SIPA1L1: variants seen among roughly 807,000 people sequenced by gnomAD.
SIPA1L1 encodes signal induced proliferation associated 1 like 1, also known as signal-induced proliferation-associated 1-like protein 1.
A neutral mutation model predicts 162.7 loss-of-function variants in SIPA1L1; 26 were observed. That is an observed-to-expected ratio of 0.16 (90% CI 0.12 to 0.22). SIPA1L1 has a LOEUF of 0.22. Ranked by LOEUF, SIPA1L1 falls within the 10% of genes least tolerant of loss-of-function variation. SIPA1L1 has a pLI of 1.00. For missense variants in SIPA1L1, 1,874 were observed against 2,241.0 expected (o/e 0.84, Z 3.31); for synonymous variants, 829 against 837.4 (o/e 0.99, Z 0.17).
intron 17 of SIPA1L1, among the ~76,000 whole-genome samples, chr14:71,713,160 A>G (rs865975384): frequency 6.6e-6 from 1 of 152,212 alleles, no homozygotes; most frequent in African/African-American, 2.4e-5. Flanking sequence ...TTAGAGGTCA[A>G]TCTGGGCAAC....
intron 2 of SIPA1L1, among the ~76,000 whole-genome samples, chr14:71,368,142 C>CTTTTTTTTTTTTTTTTTTTTTTTTTT (rs755238643): frequency 8.7e-6 from 1 of 115,182 alleles, no homozygotes; most frequent in Non-Finnish European, 1.8e-5. Context: ...TTGTGGTATT[C>CTTTTTTTTTTTTTTTTTTTTTTTTTT]TTTTTTTTTT....
At chr14:71,524,624 T>A (rs568045899) in intron 3 of SIPA1L1, among the ~76,000 whole-genome samples, 1 of 152,196 alleles carries the variant, frequency 6.6e-6, no homozygotes, top group Non-Finnish European at 1.5e-5. Flanking sequence ...ATTTGTTTAT[T>A]TTTAAATAGA....
chr14:71,398,493 A>G (rs1419673719), intron 2 of SIPA1L1: 2 of 152,316 alleles, frequency 1.3e-5, no homozygotes, highest in East Asian at 3.9e-4. Context: ...TCCAAGTTTC[A>G]TTCAGATTAA....
chr14:71,616,014 A>G (rs981632417), intron 5 of SIPA1L1, among the ~76,000 whole-genome samples: 2 of 152,104 alleles, frequency 1.3e-5, no homozygotes, highest in Non-Finnish European at 2.9e-5. Flanking sequence ...CACATAAACA[A>G]CAACAAAACC....
In SIPA1L1 at chr14:71,465,597, G is replaced by A. The variant is rs555374902; in HGVS notation, c.-464-47146G>A. Among the ~76,000 whole-genome samples the A allele has an allele frequency of 9.9e-5, 15 of 152,262 alleles. No individual in the cohort carries two copies. The South Asian group carries it at 2.9e-3, about 29-fold the overall frequency. On this transcript the variant is annotated intron_variant, in intron 2 of 23. Coordinates refer to ENST00000381232, the MANE Select transcript of SIPA1L1 (RefSeq NM_001386936.1). ...AGTGTTATCTGTACTATTAGAAGTA[G>A]AGTCCTTAGCATTTTCTTATTAAGC...
chr14:71,566,299 T>C (rs1596160766), intron 4 of SIPA1L1, among the ~76,000 whole-genome samples: 1 of 152,232 alleles, frequency 6.6e-6, no homozygotes, highest in African/African-American at 2.4e-5. Flanking sequence ...ATAGGAGCTG[T>C]ATATGTTACT....
chr14:71,507,458 T>C (rs536497718), intron 2 of SIPA1L1, among the ~76,000 whole-genome samples: 61 of 152,356 alleles, frequency 4.0e-4, no homozygotes, highest in African/African-American at 1.4e-3. Flanking sequence ...AATTGATGTG[T>C]AGTTCAGTTT....
chr14:71,510,518 A>G (rs999253993), intron 2 of SIPA1L1, among the ~76,000 whole-genome samples: 1 of 151,966 alleles, frequency 6.6e-6, no homozygotes, highest in Non-Finnish European at 1.5e-5. Flanking sequence ...CAAATCTCAA[A>G]CATAATATAC....
intron 2 of SIPA1L1, among the ~76,000 whole-genome samples, chr14:71,374,304 AAG>A (rs2039170554): frequency 2.0e-5 from 3 of 152,142 alleles, no homozygotes; most frequent in East Asian, 1.9e-4. Flanking sequence ...ATTTATCAGT[AAG>A]AGTTAATTTT....
intron 7 of SIPA1L1, among the ~76,000 whole-genome samples, chr14:71,646,291 C>G (rs568768290): frequency 2.0e-5 from 3 of 152,124 alleles, no homozygotes; most frequent in African/African-American, 7.2e-5. Context: ...ATTCTCCTGC[C>G]TCAGCCTCCC....
intron 13 of SIPA1L1, among the ~76,000 whole-genome samples, chr14:71,687,386 A>G (rs2080950614): frequency 6.6e-6 from 1 of 152,196 alleles, no homozygotes. Context: ...GATTTGGCCC[A>G]CATTTTGAAA....
Position 71,739,183 on chromosome 14 carries a change from G to T in SIPA1L1, c.*22G>T. On this transcript the variant is annotated 3_prime_UTR_variant, in exon 24 of 24. Transcript: ENST00000381232. ...CTAGGGAAGGCTGAGGAGGACAGGAGAAGGGCCCAGACACTCCCTCCAGTG... is the reference window on the plus strand; with the variant it reads ...CTAGGGAAGGCTGAGGAGGACAGGATAAGGGCCCAGACACTCCCTCCAGTG... 1 of 1,603,848 alleles carries T rather than the reference G, an allele frequency of 6.2e-7. No individual in the cohort carries two copies. Among genetic ancestry groups the T allele is most frequent in the South Asian group, 1.1e-5 (1 of 89,524 alleles).
intron 5 of SIPA1L1, chr14:71,598,251 A>T: frequency 1.0e-6 from 1 of 984,338 alleles, no homozygotes; most frequent in Non-Finnish European, 1.2e-6. Flanking sequence ...ACTTTACTGG[A>T]CACAACTGAT....
rs757629926 is a variant in SIPA1L1, at chr14:71,730,268, C to A, written c.4828C>A (p.Pro1610Thr). 5 of 1,614,004 alleles carry A rather than the reference C, an allele frequency of 3.1e-6. No individual in the cohort carries two copies. The highest frequency in any genetic ancestry group is 4.2e-6 in the Non-Finnish European group (5 of 1,179,988). ...CCCCAAGTCGCTCCCGTTGAGGAGG[C>A]CTTCTTACACCTTAGGAATGAAATC... is the stretch of plus-strand genomic sequence containing the variant. ...SLPKSLPLRR[P>T]SYTLGMKSLH... The change falls in exon 20 of 24, where the codon CCT becomes ACT. Residue 1610 changes from proline to threonine, a missense_variant. Pro to Thr is a conservative substitution (Grantham distance 38). Around this residue, in one of 5 missense-constraint regions of SIPA1L1, gnomAD observed 936 missense variants for 1,051.9 expected, o/e 0.89. Coordinates refer to ENST00000381232, the MANE Select transcript of SIPA1L1 (RefSeq NM_001386936.1).
chr14:71,651,295 G>T (rs1341988050), intron 8 of SIPA1L1, among the ~76,000 whole-genome samples: 5 of 152,136 alleles, frequency 3.3e-5, no homozygotes, highest in Non-Finnish European at 7.4e-5. Context: ...CTTTGAGAGG[G>T]TCTTGGGATT....
intron 12 of SIPA1L1, among the ~76,000 whole-genome samples, chr14:71,683,578 TCTAAA>T (rs2046001140): frequency 6.6e-6 from 1 of 152,222 alleles, no homozygotes; most frequent in African/African-American, 2.4e-5. Flanking sequence ...AATGAAAGAC[TCTAAA>T]CTATACCACA....
At chr14:71,644,328 C>T (rs531657481) in intron 7 of SIPA1L1, among the ~76,000 whole-genome samples, 1 of 152,238 alleles carries the variant, frequency 6.6e-6, no homozygotes, top group East Asian at 1.9e-4. Flanking sequence ...ATAGCCTTGC[C>T]CTCTTGGGCT....
At chr14:71,603,944 T>TATATATATATTTATATATAG (rs1567292876) in intron 5 of SIPA1L1, among the ~76,000 whole-genome samples, 1 of 143,990 alleles carries the variant, frequency 6.9e-6, no homozygotes, top group East Asian at 2.0e-4. Flanking sequence ...TATATATCTA[T>TATATATATATTTATATATAG]ATATATTTAT....
intron 2 of SIPA1L1, among the ~76,000 whole-genome samples, chr14:71,455,839 T>C (rs977781850): frequency 6.6e-6 from 1 of 152,194 alleles, no homozygotes; most frequent in Non-Finnish European, 1.5e-5. Flanking sequence ...TTTCCAAGTA[T>C]TTATGATGCC....
Sources: allele counts gnomAD v4.1 joint callset (sites outside exome capture counted in the v4.1 genomes callset), GRCh38; gene constraint gnomAD v4.1.1; regional missense constraint gnomAD v4.1.1; transcripts MANE v1.5; gene names NCBI Gene and HGNC (gene_info 2026-07-23, HGNC 2026-07-21).